Variants in CDK14 observed in about 807,000 individuals in gnomAD.
The protein encoded by CDK14 is cyclin-dependent kinase 14.
In CDK14, 34 loss-of-function variants were observed where a neutral mutation model predicts 60.7. The ratio of observed to expected loss-of-function variants is 0.56; its 90% confidence interval spans 0.43 to 0.75. The LOEUF (loss-of-function observed/expected upper bound fraction) is 0.75. Ranked by LOEUF, CDK14 falls within the 30% of genes least tolerant of loss-of-function variation. CDK14 has a pLI of 0.00. For missense variants in CDK14, 482 were observed against 564.1 expected (o/e 0.85, Z 1.47); for synonymous variants, 197 against 203.7 (o/e 0.97, Z 0.28).
intron 14 of CDK14, among the ~76,000 whole-genome samples, chr7:91,162,160 C>T (rs960690711): frequency 5.3e-5 from 8 of 152,176 alleles, no homozygotes; most frequent in Admixed American, 1.3e-4. Context: ...TTTTGGAAAA[C>T]CCTCAGTGGG....
At chr7:90,652,036 C>T (rs1800656377) in intron 2 of CDK14, among the ~76,000 whole-genome samples, 3 of 152,198 alleles carry the variant, frequency 2.0e-5, no homozygotes, top group Admixed American at 2.0e-4. Context: ...TCCTCACAGA[C>T]ACTGCTCACC....
At chr7:91,032,479 G>C (rs563337252) in intron 10 of CDK14, among the ~76,000 whole-genome samples, 1 of 152,192 alleles carries the variant, frequency 6.6e-6, no homozygotes, top group East Asian at 1.9e-4. Context: ...GTGAAATGGG[G>C]TAATTATCGT....
At chr7:90,657,602 G>A (rs1176474475) in intron 2 of CDK14, among the ~76,000 whole-genome samples, 1 of 152,188 alleles carries the variant, frequency 6.6e-6, no homozygotes, top group African/African-American at 2.4e-5. Context: ...CATGTGAAAT[G>A]TGGCTCATGG....
chr7:91,059,493 T>C (rs2116104357), intron 11 of CDK14, among the ~76,000 whole-genome samples: 1 of 152,288 alleles, frequency 6.6e-6, no homozygotes, highest in Admixed American at 6.5e-5. Flanking sequence ...TTAATTGTGA[T>C]GTTAGGGTGT....
At chr7:90,955,655 C>T (rs1397819785) in intron 8 of CDK14, 42 bp from the exon 9 acceptor site, 2 of 1,608,754 alleles carry the variant, frequency 1.2e-6, no homozygotes, top group Admixed American at 1.7e-5. Flanking sequence ...CCTTGTTTTG[C>T]TAATGCCTGT....
chr7:91,196,049 T>C (rs1802528361), intron 14 of CDK14, among the ~76,000 whole-genome samples: 1 of 152,224 alleles, frequency 6.6e-6, no homozygotes, highest in African/African-American at 2.4e-5. Context: ...TTTTCAGTTA[T>C]TCCTCACTGC....
intron 2 of CDK14, among the ~76,000 whole-genome samples, chr7:90,678,109 G>A (rs1338469744): frequency 6.6e-6 from 1 of 152,222 alleles, no homozygotes; most frequent in Non-Finnish European, 1.5e-5. Flanking sequence ...GTGGAGCAAA[G>A]CCACAGCCTT....
intron 14 of CDK14, among the ~76,000 whole-genome samples, chr7:91,158,010 C>G (rs1214651406): frequency 6.6e-6 from 1 of 150,454 alleles, no homozygotes; most frequent in Non-Finnish European, 1.5e-5. Context: ...TCATAACTCC[C>G]AAGAAACTTT....
chr7:90,879,753 T>G (rs533165821), intron 6 of CDK14, among the ~76,000 whole-genome samples: 11 of 150,076 alleles, frequency 7.3e-5, no homozygotes, highest in Admixed American at 7.3e-4. Flanking sequence ...TGATAAAAAA[T>G]AAATAAATAA....
chr7:91,120,756 C>T (rs934919399), intron 14 of CDK14, among the ~76,000 whole-genome samples: 8 of 152,094 alleles, frequency 5.3e-5, no homozygotes, highest in African/African-American at 1.4e-4. Context: ...AGGCTGGTCT[C>T]GAACTCCTGA....
chr7:90,893,194 T>C (rs2117326170), intron 6 of CDK14, among the ~76,000 whole-genome samples: 1 of 152,228 alleles, frequency 6.6e-6, no homozygotes, highest in South Asian at 2.1e-4. Context: ...CATTCAGGTG[T>C]AACCTTGTCA....
At chr7:90,968,393 T>C (rs1233047795) in intron 9 of CDK14, among the ~76,000 whole-genome samples, 1 of 152,210 alleles carries the variant, frequency 6.6e-6, no homozygotes, top group African/African-American at 2.4e-5. Flanking sequence ...AACGTATTCA[T>C]AGTATGTGAC....
chr7:90,879,327 A>G (rs1791664526), intron 6 of CDK14, among the ~76,000 whole-genome samples: 1 of 152,218 alleles, frequency 6.6e-6, no homozygotes, highest in Non-Finnish European at 1.5e-5. Flanking sequence ...TCATCATTCC[A>G]AATCATTAAA....
chr7:90,927,856 G>T (rs1490129333), intron 8 of CDK14, among the ~76,000 whole-genome samples: 2 of 152,190 alleles, frequency 1.3e-5, no homozygotes, highest in Non-Finnish European at 1.5e-5. Context: ...ATACCAATCA[G>T]ATGTAGATTT....
At position 91,118,203 on chromosome 7, in the gene CDK14, A is replaced by G. The variant is rs769946969; in HGVS notation, c.*23A>G. The G allele has an allele frequency of 1.4e-6, 2 of 1,436,602 alleles. No homozygotes were observed. The highest frequency in any genetic ancestry group is 4.5e-5 in the East Asian group (2 of 43,988). The allele number at this position is 1,436,602 out of a possible 1,614,324, so 89.0% of individuals were successfully genotyped here. A position where few individuals can be genotyped will look rare whatever the true frequency, so the allele number is the denominator to read the frequency against. Reference sequence around the variant, plus strand: ...TGACAAGCAGCACATTCTCAAGAGCACACAGGTAAGAGGACCTGCTTTACC... The same window carrying G: ...TGACAAGCAGCACATTCTCAAGAGCGCACAGGTAAGAGGACCTGCTTTACC... On this transcript the variant is annotated 3_prime_UTR_variant, in exon 14 of 15. Coordinates refer to ENST00000380050, the MANE Select transcript of CDK14 (RefSeq NM_001287135.2).
chr7:90,984,427 C>T (rs1287697738), intron 10 of CDK14, among the ~76,000 whole-genome samples, 186 bp downstream of exon 10: 6 of 152,020 alleles, frequency 3.9e-5, no homozygotes, highest in South Asian at 4.1e-4. Flanking sequence ...TACTACTGTA[C>T]GTGAATAACA....
chr7:91,044,629 G>C (rs1797182077), intron 10 of CDK14, among the ~76,000 whole-genome samples: 1 of 152,102 alleles, frequency 6.6e-6, no homozygotes, highest in South Asian at 2.1e-4. Context: ...TTGGCTGAGA[G>C]GAGGGGTCCG....
At chr7:90,907,417 A>G (rs1157897472) in intron 7 of CDK14, among the ~76,000 whole-genome samples, 1 of 152,082 alleles carries the variant, frequency 6.6e-6, no homozygotes, top group Non-Finnish European at 1.5e-5. Context: ...TTAAAAATTG[A>G]TAAGCATGAG....
At chr7:91,167,997 C>T (rs1363185158) in intron 14 of CDK14, among the ~76,000 whole-genome samples, 1 of 152,110 alleles carries the variant, frequency 6.6e-6, no homozygotes, top group Non-Finnish European at 1.5e-5. Flanking sequence ...GGCATGTTGG[C>T]TTATGCCTGT....
Sources: gnomAD v4.1 joint callset for allele counts (sites outside exome capture counted in the v4.1 genomes callset) on GRCh38, gnomAD v4.1.1 for gene constraint, MANE v1.5 for transcripts, NCBI Gene and HGNC (gene_info 2026-07-23, HGNC 2026-07-21) for gene names.